The following SEL1L3 variants were observed in gnomAD, a reference collection of about 807,000 sequenced individuals.
The protein encoded by SEL1L3 is SEL1L family member 3.
Under a neutral mutation model 142.8 loss-of-function variants are expected in SEL1L3, and 76 were observed. The ratio of observed to expected loss-of-function variants is 0.53; its 90% CI spans 0.44 to 0.64. The LOEUF is 0.64. SEL1L3 is among the 30% of genes least tolerant of loss of function. The pLI, the probability that SEL1L3 is intolerant of heterozygous loss-of-function variation, is 0.00. For missense variants in SEL1L3, 1,262 were observed against 1,381.7 expected (o/e 0.91, Z 1.37); for synonymous variants, 504 against 519.6 (o/e 0.97, Z 0.41).
At chr4:25,770,411 A>G (rs972003762) in intron 17 of SEL1L3, 2 of 152,134 alleles carry the variant, frequency 1.3e-5, no homozygotes, top group African/African-American at 4.8e-5. Flanking sequence ...AGATGTCTAA[A>G]AAGGCATGTG....
intron 23 of SEL1L3, among the ~76,000 whole-genome samples, chr4:25,752,040 C>T (rs1434690887): frequency 5.0e-5 from 7 of 141,350 alleles, no homozygotes; most frequent in Non-Finnish European, 7.5e-5. Flanking sequence ...ACCCGGGAGG[C>T]GGAGGTTGCA....
At chr4:25,806,048 T>TG (rs1378774787) in intron 9 of SEL1L3, among the ~76,000 whole-genome samples, 1 of 150,654 alleles carries the variant, frequency 6.6e-6, no homozygotes, top group Non-Finnish European at 1.5e-5. Context: ...TTTGTTTTTT[T>TG]TTTTTTTTGA....
chr4:25,833,211 T>A lies in SEL1L3; in HGVS notation c.983-101A>T, dbSNP rs1175010650. The stretch of plus-strand genomic sequence containing the variant: ...CAATTGTCCTAAGAAGCTACAATAC[T>A]CCACGAAAACAAAGCAAAACCCAAA... On this transcript the variant is annotated intron_variant, in intron 4 of 23. Transcript: ENST00000399878. The A allele has an allele frequency of 6.5e-6, 5 of 773,368 alleles. No homozygotes were observed. The South Asian group carries it at 7.9e-5, about 12-fold the overall frequency. The allele number at this position is 773,368 out of a possible 1,614,324, so 47.9% of individuals were successfully genotyped here.
intron 2 of SEL1L3, among the ~76,000 whole-genome samples, chr4:25,845,416 AG>A (rs1262845209): frequency 6.6e-6 from 1 of 152,186 alleles, no homozygotes; most frequent in Non-Finnish European, 1.5e-5. Flanking sequence ...GGATTGTTTG[AG>A]CCCAGGATGT....
intron 2 of SEL1L3, among the ~76,000 whole-genome samples, chr4:25,843,017 A>T (rs1302474873): frequency 1.3e-5 from 2 of 152,186 alleles, no homozygotes; most frequent in Admixed American, 1.3e-4. Context: ...GGAGAAGAGC[A>T]TCTTAGGTGG....
At chr4:25,795,932 A>T (rs1430451349) in intron 11 of SEL1L3, among the ~76,000 whole-genome samples, 1 of 152,002 alleles carries the variant, frequency 6.6e-6, no homozygotes, top group African/African-American at 2.4e-5. Context: ...GAGAAAAAAA[A>T]AAAAATCACT....
At chr4:25,724,758 A>G in the SEL1L3 span, among the ~76,000 whole-genome samples, 756 of 92,436 alleles carry the variant, frequency 8.2e-3, 62 homozygotes, top group African/African-American at 0.021. Flanking sequence ...AAAAAAAAAA[A>G]AAAAAAAAAA....
chr4:25,800,735 T>C (rs992227367), intron 11 of SEL1L3, among the ~76,000 whole-genome samples: 11 of 152,204 alleles, frequency 7.2e-5, no homozygotes, highest in African/African-American at 2.6e-4. Flanking sequence ...AGACAGAAAA[T>C]ACATGTATAA....
chr4:25,814,919 T>C (rs1158724891), intron 9 of SEL1L3, among the ~76,000 whole-genome samples: 1 of 152,088 alleles, frequency 6.6e-6, no homozygotes, highest in Non-Finnish European at 1.5e-5. Context: ...GGTAGAGAGA[T>C]GACCTTAAGG....
chr4:25,838,704 T>C (rs1715985318), intron 2 of SEL1L3, among the ~76,000 whole-genome samples: 1 of 152,194 alleles, frequency 6.6e-6, no homozygotes, highest in Non-Finnish European at 1.5e-5. Flanking sequence ...CAGCGGCCTC[T>C]GGAGCCGGCT....
intron 13 of SEL1L3, among the ~76,000 whole-genome samples, chr4:25,787,307 T>G (rs1711916370): frequency 6.6e-6 from 1 of 152,166 alleles, no homozygotes; most frequent in Admixed American, 6.5e-5. Flanking sequence ...AACCACTCAA[T>G]CAGTGTGAAC....
At chr4:25,756,559 A>G (rs968951073) in intron 23 of SEL1L3, 1 of 948,142 alleles carries the variant, frequency 1.1e-6, no homozygotes, top group African/African-American at 1.8e-5. Context: ...TATTGATGAG[A>G]AATTTGGGGA....
downstream of SEL1L3, among the ~76,000 whole-genome samples, chr4:25,747,194 A>G (rs568869772): frequency 6.6e-6 from 1 of 152,338 alleles, no homozygotes; most frequent in African/African-American, 2.4e-5. Flanking sequence ...AGCAGCACAA[A>G]GCCCTGAAAC....
Position 25,802,473 on chromosome 4 carries a change from G to A in SEL1L3, c.1777-11C>T, listed in dbSNP as rs375108194. 8.8e-5 allele frequency: 141 copies of A among 1,606,252 alleles called. No individual in the cohort carries two copies. The highest frequency in any genetic ancestry group is 1.1e-4 in the Non-Finnish European group (134 of 1,175,456). On this transcript the variant is annotated splice_polypyrimidine_tract_variant and intron_variant, in intron 10 of 23. Transcript: ENST00000399878. Reference sequence around the variant, plus strand: ...ACTATACAACATGCCCTGTTAGGAAGAAATTGACAAAGCGTTCATGAGATT... The same window carrying A: ...ACTATACAACATGCCCTGTTAGGAAAAAATTGACAAAGCGTTCATGAGATT...
At chr4:25,863,550 GTGCCGCGCAGCTGCCCGGC>G, upstream of SEL1L3, 1 of 702,424 alleles carries the variant, frequency 1.4e-6, no homozygotes, top group Non-Finnish European at 2.6e-6. Flanking sequence ...CCCTGGAGTT[GTGCCGCGCAGCTGCCCGGC>G]TCCCAGGCCT....
intron 9 of SEL1L3, among the ~76,000 whole-genome samples, chr4:25,815,963 A>T (rs921433761): frequency 9.9e-5 from 15 of 151,380 alleles, no homozygotes; most frequent in African/African-American, 3.4e-4. Context: ...AAAATTCTAC[A>T]GTCCAAAATG....
chr4:25,835,561 C>A (rs1013177672), intron 2 of SEL1L3, among the ~76,000 whole-genome samples: 18 of 152,228 alleles, frequency 1.2e-4, no homozygotes, highest in African/African-American at 4.3e-4. Flanking sequence ...TAGTTCCATT[C>A]TACAGATGAA....
At chr4:25,841,856 A>T (rs143703969) in intron 2 of SEL1L3, among the ~76,000 whole-genome samples, 169 of 152,288 alleles carry the variant, frequency 1.1e-3, no homozygotes, top group African/African-American at 3.9e-3. Flanking sequence ...GCTACTCGGG[A>T]GGCTGAGGCA....
the SEL1L3 span, among the ~76,000 whole-genome samples, chr4:25,740,087 A>C: frequency 7.5e-4 from 113 of 151,592 alleles, 1 homozygote; most frequent in African/African-American, 2.4e-3. Context: ...GGCGTGAGCC[A>C]CCAAGTCTGG....
Sources: allele counts gnomAD v4.1 joint callset (sites outside exome capture counted in the v4.1 genomes callset), GRCh38; gene constraint gnomAD v4.1.1; transcripts MANE v1.5; gene names NCBI Gene and HGNC (gene_info 2026-07-23, HGNC 2026-07-21).